Variants in EPHA10 observed in about 807,000 individuals in gnomAD.
The protein encoded by EPHA10 is EPH receptor A10.
A neutral mutation model predicts 109.7 loss-of-function variants in EPHA10; 120 were observed. The ratio of observed to expected loss-of-function variants is 1.09; its 90% CI spans 0.94 to 1.27. The LOEUF is 1.27. Among genes scored for constraint, EPHA10 ranks in the 50% most tolerant of loss-of-function variants. The pLI, the probability that EPHA10 is intolerant of heterozygous loss-of-function variation, is 0.00. For missense variants in EPHA10, 1,396 were observed against 1,411.1 expected, an observed-to-expected ratio of 0.99 and a Z score of 0.17; for synonymous variants, 640 against 618.9, an observed-to-expected ratio of 1.03 and a Z score of -0.51.
At chr1:37,737,615 T>C (rs1646089358) in intron 5 of EPHA10, among the ~76,000 whole-genome samples, 1 of 152,114 alleles carries the variant, frequency 6.6e-6, no homozygotes, top group Admixed American at 6.6e-5. Context: ...GAACTCAAAG[T>C]GGATTAAAGA....
chr1:37,730,700 T>C (rs1419280288), intron 7 of EPHA10, among the ~76,000 whole-genome samples: 2 of 149,126 alleles, frequency 1.3e-5, no homozygotes, highest in African/African-American at 4.9e-5. Context: ...ACAATCCTTC[T>C]TTTTTTTTTG....
rs1645980535 is a variant in EPHA10 at position 37,731,443 on chromosome 1, T to C, written c.1631A>G (p.Asn544Ser). ...CAGGGTCTGTACTTCAATGCTGGGG[T>C]TAAAACTCTGGGCCTCCCAGGATGG... ...PGPSWEAQSF[N>S]PSIEVQTLGE... Residue 544 changes from asparagine (N) to serine (S), a missense_variant, in exon 7 of 17, where the codon AAC becomes AGC. By Grantham distance (46) the Asn-to-Ser change is conservative. Coordinates refer to ENST00000373048, the MANE Select transcript of EPHA10 (RefSeq NM_001099439.2). The C allele has an allele frequency of 6.2e-7, 1 of 1,612,846 alleles. No individual in the cohort carries two copies. The highest frequency in any genetic ancestry group is 1.1e-5 in the South Asian group (1 of 90,936).
Position 37,721,687 on chromosome 1 carries a change from C to G in EPHA10, c.2119G>C (p.Val707Leu), listed in dbSNP as rs755182243. 6.2e-7 allele frequency: 1 copy of G among 1,609,512 alleles called. No individual in the cohort carries two copies. Among genetic ancestry groups the G allele is most frequent in the African/African-American group, 1.3e-5 (1 of 74,776 alleles). The change falls in exon 11 of 17, where the codon GTG (valine) becomes CTG (leucine). Residue 707 changes from valine to leucine, a missense_variant. Physicochemically the swap from Val to Leu is conservative, Grantham distance 32 (BLOSUM62 1). Coordinates refer to ENST00000373048, the MANE Select transcript of EPHA10 (RefSeq NM_001099439.2). The stretch of plus-strand genomic sequence containing the variant: ...CGGGTAACAACGCCCTCCAGCCGCA[C>G]GATGTGGCTATGGTCAAACTGGCCC... Reference protein sequence around the residue: ...TLGQFDHSHIVRLEGVVTRGS... With the variant: ...TLGQFDHSHILRLEGVVTRGS...
intron 7 of EPHA10, 69 bp from the exon 8 acceptor site, chr1:37,727,279 C>G (rs548520534): frequency 8.1e-7 from 1 of 1,238,162 alleles, no homozygotes; most frequent in South Asian, 1.5e-5. Flanking sequence ...AGGGCAGACT[C>G]CTGTCCTCAC....
intron 5 of EPHA10, among the ~76,000 whole-genome samples, chr1:37,752,269 G>A (rs115286438): frequency 6.6e-5 from 10 of 152,116 alleles, no homozygotes; most frequent in Admixed American, 6.5e-4. Context: ...GAGATGTATT[G>A]GCTGGTGTGT....
intron 1 of EPHA10, 27 bp from the exon 2 acceptor site, chr1:37,762,876 C>T: frequency 6.5e-7 from 1 of 1,543,800 alleles, no homozygotes; most frequent in South Asian, 1.2e-5. Context: ...ACAGAAATAT[C>T]AGAAATCGAG....
downstream of EPHA10, among the ~76,000 whole-genome samples, chr1:37,715,384 C>T (rs1395748315): frequency 1.3e-5 from 2 of 152,122 alleles, no homozygotes; most frequent in African/African-American, 4.8e-5. Flanking sequence ...TGGCACAGCT[C>T]CTCCTGGCAT....
chr1:37,742,391 C>T (rs1646168084), intron 5 of EPHA10, among the ~76,000 whole-genome samples: 1 of 152,222 alleles, frequency 6.6e-6, no homozygotes, highest in Non-Finnish European at 1.5e-5. Context: ...GTTGGGCTTA[C>T]AATCCAGTTC....
Position 37,754,962 on chromosome 1 carries a change from T to C in EPHA10, c.851-592A>G, listed in dbSNP as rs1193765128. On this transcript the variant is annotated intron_variant, in intron 3 of 16. Coordinates refer to ENST00000373048, the MANE Select transcript of EPHA10 (RefSeq NM_001099439.2). This position sits in a 1 kb window ranked among gnomAD's most constrained non-coding sequence, Gnocchi z 4.5. ...ACAAGTGTGCACCACCATGCCCAGT[T>C]ACTTTTTTTGTATTTTTAGTAGAGA... Among the ~76,000 whole-genome samples the C allele has an allele frequency of 2.0e-5, 3 of 152,064 alleles. No individual in the cohort carries two copies. The highest frequency in any genetic ancestry group is 4.8e-5 in the African/African-American group (2 of 41,384).
In EPHA10 at chr1:37,754,078, C is replaced by T. The variant is rs1646370539; in HGVS notation, c.1006+137G>A. On this transcript the variant is annotated intron_variant, in intron 4 of 16. Coordinates refer to ENST00000373048, the MANE Select transcript of EPHA10 (RefSeq NM_001099439.2). This position sits in a 1 kb window ranked among gnomAD's most constrained non-coding sequence, Gnocchi z 4.5. ...CTCCGCTCCCCCGTACGCCGCCTTC[C>T]GGGGCGCTGGCCCCCATATCCGCCC... 2.0e-6 allele frequency: 2 copies of T among 1,020,324 alleles called. No homozygotes were observed. Among genetic ancestry groups the T allele is most frequent in the Middle Eastern group, 3.6e-4 (1 of 2,798 alleles). 63.2% of individuals were successfully genotyped at this position (1,020,324 alleles called of 1,614,324 possible). A position where few individuals can be genotyped will look rare whatever the true frequency, so the allele number is the denominator to read the frequency against.
At chr1:37,720,290 C>T in intron 13 of EPHA10, 61 bp downstream of exon 13, 4 of 1,525,080 alleles carry the variant, frequency 2.6e-6, no homozygotes, top group Non-Finnish European at 3.5e-6. Flanking sequence ...GAGTTAAGGG[C>T]TCCAGGGCAG....
intron 15 of EPHA10, 196 bp from the exon 16 acceptor site, chr1:37,719,012 A>G (rs1344331115): frequency 7.1e-6 from 5 of 704,176 alleles, no homozygotes; most frequent in Non-Finnish European, 1.2e-5. Flanking sequence ...AGGTGGAGGC[A>G]GAGCCAGCGC....
rs779536651 is a variant in EPHA10 at position 37,761,912 on chromosome 1, T to A, written c.343A>T (p.Ile115Phe). 6.2e-7 allele frequency: 1 copy of A among 1,612,712 alleles called. No homozygotes were observed. The highest frequency in any genetic ancestry group is 1.7e-5 in the Admixed American group (1 of 59,944). Residue 115 changes from isoleucine to phenylalanine, a missense_variant, in exon 3 of 17, where the codon ATC becomes TTC. Physicochemically the swap from Ile to Phe is conservative, Grantham distance 21 (BLOSUM62 0). Coordinates refer to ENST00000373048, the MANE Select transcript of EPHA10 (RefSeq NM_001099439.2). ...LQFTLRDCSS[I>F]PGAAGTCKET... is the part of the protein sequence containing the mutation. ...TTGCAGGTACCCGCGGCGCCAGGGA[T>A]GCTGCTGCAGTCACGGAGTGTGAAC...
chr1:37,750,814 CAGACTAAGGGCATG>C lies in EPHA10; in HGVS notation c.1357+2048_1357+2061del, dbSNP rs943126979. Among the ~76,000 whole-genome samples, 18 of 151,804 alleles carry C rather than the reference CAGACTAAGGGCATG, an allele frequency of 1.2e-4. No individual in the cohort carries two copies. In the East Asian group the frequency reaches 2.5e-3, roughly 21 times the overall value. On this transcript the variant is annotated intron_variant, in intron 5 of 16. Coordinates refer to ENST00000373048, the MANE Select transcript of EPHA10 (RefSeq NM_001099439.2). ...CCTGGCCTCAGGCTCCCAAAGTGCT[CAGACTAAGGGCATG>C]AGCCACTGTTCCCGGCCTGAAGAAA... is the stretch of plus-strand genomic sequence containing the variant.
In EPHA10 at chr1:37,753,138, C is replaced by A. The variant is rs1402958107; in HGVS notation, c.1095G>T (p.Ser365=). 2 of 1,407,302 alleles carry A rather than the reference C, an allele frequency of 1.4e-6. No homozygotes were observed. The highest frequency in any genetic ancestry group is 3.0e-5 in the South Asian group (2 of 67,766). 87.2% of individuals were successfully genotyped at this position (1,407,302 alleles called of 1,614,324 possible). Residue 365 remains serine (S), a synonymous_variant, in exon 5 of 17, where the codon TCG becomes TCT. Transcript: ENST00000373048. Reference sequence around the variant, plus strand: ...AGTAGGTGACGTCCGAGCGGCCTCCCGAGTCGGCCGGCGGCAGCCAGCGCA... The same window carrying A: ...AGTAGGTGACGTCCGAGCGGCCTCCAGAGTCGGCCGGCGGCAGCCAGCGCA... ...LRLRWLPPAD[S]GGRSDVTYSL... is the part of the protein sequence containing the mutation.
At chr1:37,762,951 C>T in intron 1 of EPHA10, 102 bp from the exon 2 acceptor site, 2 of 1,097,842 alleles carry the variant, frequency 1.8e-6, no homozygotes, top group Non-Finnish European at 1.3e-6. Context: ...TGAGAGAATG[C>T]AATATGTGAC....
Position 37,723,446 on chromosome 1 carries a change from C to G in EPHA10, c.1773-74G>C, listed in dbSNP as rs543333274. The G allele has an allele frequency of 9.0e-5, 138 of 1,527,368 alleles. 1 individual carries two copies. The South Asian group carries it at 1.3e-3, about 14-fold the overall frequency. The allele number at this position is 1,527,368 out of a possible 1,614,324, so 94.6% of individuals were successfully genotyped here. On this transcript the variant is annotated intron_variant, in intron 8 of 16. Transcript: ENST00000373048. Reference sequence around the variant, plus strand: ...TCCCATTACAGAGCACTGAGGGCAGCACCTCTTTGTCCCTTCAAAAGACAA... The same window carrying G: ...TCCCATTACAGAGCACTGAGGGCAGGACCTCTTTGTCCCTTCAAAAGACAA...
rs1646462916 is a variant in EPHA10, at chr1:37,765,000, G to A, written c.67C>T (p.Leu23=). The A allele has an allele frequency of 1.2e-6, 2 of 1,611,052 alleles. No individual in the cohort carries two copies. The highest frequency in any genetic ancestry group is 1.7e-6 in the Non-Finnish European group (2 of 1,179,400). ...FLCRMQLCLA[L]LLGPWRPGTA... is the part of the protein sequence containing the mutation. ...CCAGGCCGCCAGGGTCCCAAAAGCA[G>A]CGCGAGACAGAGCTGCATCCGGCAG... Residue 23 remains leucine (L), a synonymous_variant, in exon 1 of 17, where the codon CTG becomes TTG. Coordinates refer to ENST00000373048, the MANE Select transcript of EPHA10 (RefSeq NM_001099439.2). This position sits in a 1 kb window ranked among gnomAD's most constrained non-coding sequence, Gnocchi z 5.8.
At position 37,753,186 on chromosome 1, in the gene EPHA10, GC is replaced by G; in HGVS notation, c.1046del (p.Ser349ThrfsTer159). On this transcript the variant is annotated frameshift_variant, in exon 5 of 17. Transcript: ENST00000373048. LOFTEE classifies it high-confidence loss of function. Reference sequence around the variant, plus strand: ...GCAGTCGCAGCACCAGCGGCGAGCGGCTCAGGCTGTACTGCAGGTCCCGCGG... The same window carrying G: ...GCAGTCGCAGCACCAGCGGCGAGCGGTCAGGCTGTACTGCAGGTCCCGCGG... ...SAPRDLQYSLSRSPLVLRLRW... is the reference protein window; with the variant it reads ...SAPRDLQYSLXRSPLVLRLRW... The G allele has an allele frequency of 7.2e-7, 1 of 1,395,706 alleles. No individual in the cohort carries two copies. The highest frequency in any genetic ancestry group is 9.3e-7 in the Non-Finnish European group (1 of 1,077,952). The allele number at this position is 1,395,706 out of a possible 1,614,324, so 86.5% of individuals were successfully genotyped here. A position where few individuals can be genotyped will look rare whatever the true frequency, so the allele number is the denominator to read the frequency against.
Sources: allele counts gnomAD v4.1 joint callset (sites outside exome capture counted in the v4.1 genomes callset), GRCh38; gene constraint gnomAD v4.1.1; non-coding constraint Gnocchi (gnomAD v3.1); transcripts MANE v1.5; gene names NCBI Gene and HGNC (gene_info 2026-07-23, HGNC 2026-07-21).